Variants in MCC observed in about 807,000 individuals in gnomAD.
MCC encodes the protein colorectal mutant cancer protein.
MCC carries 90 observed loss-of-function variants against 116.2 expected under a neutral mutation model. The observed-to-expected ratio is 0.77, with a 90% CI of 0.65 to 0.92. MCC has a LOEUF of 0.92. Among genes scored for constraint, MCC ranks in the 40% least tolerant of loss-of-function variants. The probability of loss-of-function intolerance (pLI) is 0.00; values close to 1 mark genes in which losing one functional copy is unlikely to be tolerated. For synonymous variants in MCC, 578 were observed against 510.5 expected, an observed-to-expected ratio of 1.13 and a Z score of -1.78; for missense variants, 1,516 against 1,312.2, an observed-to-expected ratio of 1.16 and a Z score of -2.40.
rs185208792 is a variant in MCC, at chr5:113,398,212, G to C, written c.171-13000C>G. On this transcript the variant is annotated intron_variant, in intron 1 of 18. Transcript: ENST00000408903. ...TTTGTCAGTGAGGCTGTGGAGAAAG[G>C]GGAATGCTTGTGCACTGTTGGTGGG... is the stretch of plus-strand genomic sequence containing the variant. 4.6e-5 allele frequency among the ~76,000 whole-genome samples: 7 copies of C among 152,262 alleles called. No homozygotes were observed. In the East Asian group the frequency reaches 1.3e-3, roughly 29 times the overall value.
Position 113,340,647 on chromosome 5 carries a change from C to T in MCC, c.499G>A (p.Ala167Thr). The T allele has an allele frequency of 6.2e-7, 1 of 1,614,172 alleles. No individual in the cohort carries two copies. The highest frequency in any genetic ancestry group is 8.5e-7 in the Non-Finnish European group (1 of 1,180,024). The change falls in exon 3 of 19, where the codon GCC becomes ACC. Residue 167 changes from alanine (A) to threonine (T), a missense_variant. Coordinates refer to ENST00000408903, the MANE Select transcript of MCC (RefSeq NM_001085377.2). ...CCATACTCGAGCAGCTTCTGGAGGG[C>T]TGACTGGCTCTGCACATCCGGGCTC... ...LQSPDVQSQS[A>T]LQKLLEYGGS...
chr5:113,108,611 C>T (rs1026888415), intron 6 of MCC, among the ~76,000 whole-genome samples: 2 of 148,370 alleles, frequency 1.3e-5, no homozygotes, highest in Admixed American at 6.8e-5. Flanking sequence ...TGAGATCGAG[C>T]CATTGCACTC....
chr5:113,314,676 C>T (rs979747718), intron 3 of MCC, among the ~76,000 whole-genome samples: 2 of 152,178 alleles, frequency 1.3e-5, no homozygotes, highest in African/African-American at 2.4e-5. Flanking sequence ...CAACCTCTGC[C>T]TCCTGGGTTC....
chr5:113,043,386 A>G (rs4627978), intron 17 of MCC, 144 bp downstream of exon 17: 685,717 of 719,722 alleles, frequency 0.95, 329,721 homozygotes, highest in East Asian at 1. Flanking sequence ...TGGCACCAAC[A>G]GGCCTTCTCC....
chr5:113,440,947 C>A (rs772163768), intron 1 of MCC, among the ~76,000 whole-genome samples: 2 of 152,162 alleles, frequency 1.3e-5, no homozygotes, highest in Non-Finnish European at 2.9e-5. Flanking sequence ...ATAGCATTTT[C>A]TCCTCCTTTC....
chr5:113,348,937 A>G (rs1768198458), intron 2 of MCC, among the ~76,000 whole-genome samples: 1 of 152,066 alleles, frequency 6.6e-6, no homozygotes, highest in Non-Finnish European at 1.5e-5. Context: ...AACTATGCCA[A>G]TAACTTGGAA....
intron 2 of MCC, among the ~76,000 whole-genome samples, chr5:113,374,765 T>C (rs1581436488): frequency 6.6e-6 from 1 of 151,922 alleles, no homozygotes. Flanking sequence ...CTGAGGCAGG[T>C]GGATCATTTG....
chr5:113,040,864 T>C (rs4073121), intron 17 of MCC, among the ~76,000 whole-genome samples: 1 of 152,228 alleles, frequency 6.6e-6, no homozygotes, highest in Non-Finnish European at 1.5e-5. Context: ...AGTCTCTTTA[T>C]GTTTAGTCAG....
chr5:113,327,328 C>T (rs1172682622), intron 3 of MCC, among the ~76,000 whole-genome samples: 1 of 151,754 alleles, frequency 6.6e-6, no homozygotes, highest in African/African-American at 2.4e-5. Flanking sequence ...AGGCAGATCA[C>T]CTGAGGTCAG....
chr5:113,065,555 T>C (rs1753546659), intron 13 of MCC, among the ~76,000 whole-genome samples: 1 of 152,088 alleles, frequency 6.6e-6, no homozygotes, highest in South Asian at 2.1e-4. Flanking sequence ...TGGGCAGAAG[T>C]GGGAGACACA....
chr5:113,098,682 A>C (rs1258012059), intron 8 of MCC, among the ~76,000 whole-genome samples: 6 of 152,214 alleles, frequency 3.9e-5, no homozygotes, highest in Non-Finnish European at 7.3e-5. Context: ...TAATTTAATT[A>C]AATCTTGAAC....
chr5:113,488,338 C>T lies in MCC; in HGVS notation c.77G>A (p.Ser26Asn). 1 of 1,484,122 alleles carries T rather than the reference C, an allele frequency of 6.7e-7. No individual in the cohort carries two copies. The highest frequency in any genetic ancestry group is 8.9e-7 in the Non-Finnish European group (1 of 1,126,346). The allele number at this position is 1,484,122 out of a possible 1,614,324, so 91.9% of individuals were successfully genotyped here. A position where few individuals can be genotyped will look rare whatever the true frequency, so the allele number is the denominator to read the frequency against. ...GGGGGGSGSS[S>N]SSSDTSSTGE... Reference sequence around the variant, plus strand: ...GGTGCTGGACGTGTCGCTGCTGCTGCTGCTGCTGCCGCTGCCGCCGCCGCC... The same window carrying T: ...GGTGCTGGACGTGTCGCTGCTGCTGTTGCTGCTGCCGCTGCCGCCGCCGCC... The change falls in exon 1 of 19, where the codon AGC (serine) becomes AAC (asparagine). Residue 26 changes from serine to asparagine, a missense_variant. Physicochemically the swap from Ser to Asn is conservative, Grantham distance 46. Coordinates refer to ENST00000408903, the MANE Select transcript of MCC (RefSeq NM_001085377.2).
chr5:113,183,348 T>C (rs1383656542), intron 3 of MCC, among the ~76,000 whole-genome samples: 1 of 152,236 alleles, frequency 6.6e-6, no homozygotes, highest in African/African-American at 2.4e-5. Flanking sequence ...TTTTTCAATA[T>C]GTGCAACTTA....
chr5:113,255,806 A>T (rs1305775503), intron 3 of MCC, among the ~76,000 whole-genome samples: 1 of 152,220 alleles, frequency 6.6e-6, no homozygotes, highest in African/African-American at 2.4e-5. Context: ...CCTGGACCCC[A>T]GTAAAACAAG....
chr5:113,031,563 T>C (rs1048224372), intron 17 of MCC, among the ~76,000 whole-genome samples: 80 of 152,222 alleles, frequency 5.3e-4, no homozygotes, highest in African/African-American at 1.8e-3. Context: ...TTCATTCTAA[T>C]GTTGATTAAT....
At chr5:113,093,569 G>T (rs2150249515) in intron 8 of MCC, among the ~76,000 whole-genome samples, 1 of 152,208 alleles carries the variant, frequency 6.6e-6, no homozygotes, top group African/African-American at 2.4e-5. Flanking sequence ...AGATGTTGGG[G>T]GGATTTGGCC....
Position 113,340,730 on chromosome 5 carries a change from C to G in MCC, c.416G>C (p.Gly139Ala), listed in dbSNP as rs1767990148. 21 of 1,612,698 alleles carry G rather than the reference C, an allele frequency of 1.3e-5. No individual in the cohort carries two copies. Among genetic ancestry groups the G allele is most frequent in the Non-Finnish European group, 1.8e-5 (21 of 1,179,708 alleles). Residue 139 changes from glycine (G) to alanine (A), a missense_variant and splice_region_variant, in exon 3 of 19, where the codon GGT becomes GCT. Coordinates refer to ENST00000408903, the MANE Select transcript of MCC (RefSeq NM_001085377.2). ...GCTCTCCCTGGCTGCTGATAAGGCA[C>G]CTAAGTCCGAGAGAAGCAGAGAAAA... ...SWPTSSDNSL[G>A]ALSAARESWE...
intron 1 of MCC, among the ~76,000 whole-genome samples, chr5:113,462,833 TG>T (rs1407984791): frequency 6.6e-6 from 1 of 152,186 alleles, no homozygotes; most frequent in Non-Finnish European, 1.5e-5. Context: ...GTGCTAGGCC[TG>T]GGGATTCAAT....
chr5:113,332,192 A>T (rs1767713781), intron 3 of MCC, among the ~76,000 whole-genome samples: 1 of 150,886 alleles, frequency 6.6e-6, no homozygotes, highest in South Asian at 2.1e-4. Context: ...TGTTTCCTTT[A>T]TTTTTTGAGA....
Sources: gnomAD v4.1 joint callset for allele counts (sites outside exome capture counted in the v4.1 genomes callset) on GRCh38, gnomAD v4.1.1 for gene constraint, MANE v1.5 for transcripts, NCBI Gene and HGNC (gene_info 2026-07-23, HGNC 2026-07-21) for gene names.